The following DCUN1D3 variants were observed in gnomAD, a reference collection of about 807,000 sequenced individuals.
DCUN1D3 encodes the protein DCN1-like protein 3.
A neutral mutation model predicts 24.8 loss-of-function variants in DCUN1D3; 6 were observed. That is an observed-to-expected ratio of 0.24 (90% CI 0.13 to 0.48). DCUN1D3 has a LOEUF of 0.48. Among genes scored for constraint, DCUN1D3 ranks in the 20% least tolerant of loss-of-function variants. The pLI, the probability that DCUN1D3 is intolerant of heterozygous loss-of-function variation, is 0.99. For missense variants in DCUN1D3, 258 were observed against 379.4 expected (o/e 0.68, Z 2.66); for synonymous variants, 120 against 144.9 (o/e 0.83, Z 1.24).
At chr16:20,894,429 T>A (rs879270634) in intron 1 of DCUN1D3, among the ~76,000 whole-genome samples, 2 of 152,166 alleles carry the variant, frequency 1.3e-5, no homozygotes, top group Non-Finnish European at 2.9e-5. Flanking sequence ...CTATCTGAGA[T>A]TCTTAGTCAG....
In DCUN1D3 at chr16:20,862,260, T is replaced by G. The variant is rs1379654649; in HGVS notation, c.279A>C (p.Glu93Asp). The G allele has an allele frequency of 6.2e-7, 1 of 1,614,118 alleles. No homozygotes were observed. Among genetic ancestry groups the G allele is most frequent in the African/African-American group, 1.3e-5 (1 of 74,940 alleles). ...AEESSLQRLE[E>D]LFRRYKDERE... The stretch of plus-strand genomic sequence containing the variant: ...GCTCATCCTTGTAGCGCCTGAACAG[T>G]TCTTCCAATCTTTGCAAGGAAGACT... Residue 93 changes from glutamate (E) to aspartate (D), a missense_variant, in exon 2 of 3, where the codon GAA becomes GAC. Glu to Asp is a conservative substitution (Grantham distance 45). Coordinates refer to ENST00000324344, the MANE Select transcript of DCUN1D3 (RefSeq NM_173475.4).
intron 1 of DCUN1D3, among the ~76,000 whole-genome samples, chr16:20,875,929 T>A (rs1567425892): frequency 6.6e-6 from 1 of 152,154 alleles, no homozygotes; most frequent in Non-Finnish European, 1.5e-5. Context: ...AACAACTTAA[T>A]AGCAAAATAA....
Position 20,875,100 on chromosome 16 carries a change from A to G in DCUN1D3, c.-105-12457T>C, listed in dbSNP as rs537143071. Among the ~76,000 whole-genome samples the G allele has an allele frequency of 8.5e-5, 13 of 152,244 alleles. No individual in the cohort carries two copies. The South Asian group carries it at 2.5e-3, about 29-fold the overall frequency. On this transcript the variant is annotated intron_variant, in intron 1 of 2. Transcript: ENST00000324344. ...CAGCTATGCCCTATTTTAAGAAACA[A>G]CATAAAAAATTTATAAAATAAAGCA...
intron 1 of DCUN1D3, among the ~76,000 whole-genome samples, chr16:20,892,175 T>C (rs1596641068): frequency 6.6e-6 from 1 of 152,330 alleles, no homozygotes; most frequent in African/African-American, 2.4e-5. Flanking sequence ...ACCAACTGTT[T>C]TGAGTAAATG....
intron 1 of DCUN1D3, among the ~76,000 whole-genome samples, chr16:20,865,061 A>G (rs1225792294): frequency 6.6e-6 from 1 of 152,116 alleles, no homozygotes; most frequent in Non-Finnish European, 1.5e-5. Flanking sequence ...CACCTGGGTG[A>G]TGAAATAATA....
intron 1 of DCUN1D3, among the ~76,000 whole-genome samples, chr16:20,897,939 T>C (rs1012797703): frequency 1.3e-5 from 2 of 152,184 alleles, no homozygotes; most frequent in Non-Finnish European, 2.9e-5. Context: ...AGCAGCATCA[T>C]TTTCTACTTC....
intron 1 of DCUN1D3, among the ~76,000 whole-genome samples, chr16:20,886,644 C>A (rs1474728553): frequency 6.6e-6 from 1 of 152,204 alleles, no homozygotes; most frequent in Non-Finnish European, 1.5e-5. Flanking sequence ...AAACCTTACA[C>A]ACAAACACAC....
intron 1 of DCUN1D3, among the ~76,000 whole-genome samples, chr16:20,867,381 G>A (rs1253199203): frequency 1.3e-5 from 2 of 152,114 alleles, no homozygotes; most frequent in East Asian, 1.9e-4. Flanking sequence ...TCTCCTACTC[G>A]CTGCCATGAT....
At chr16:20,888,549 T>A (rs1014519078) in intron 1 of DCUN1D3, among the ~76,000 whole-genome samples, 1 of 152,168 alleles carries the variant, frequency 6.6e-6, no homozygotes, top group Admixed American at 6.5e-5. Context: ...GCCTCAACTT[T>A]CCGGGCTAGG....
chr16:20,882,832 T>G (rs917121409), intron 1 of DCUN1D3, among the ~76,000 whole-genome samples: 8 of 152,222 alleles, frequency 5.3e-5, no homozygotes, highest in Non-Finnish European at 1.0e-4. Flanking sequence ...AGGCCAACAT[T>G]TTTTAGCTTA....
chr16:20,863,654 G>A (rs2081744966), intron 1 of DCUN1D3, among the ~76,000 whole-genome samples: 1 of 152,160 alleles, frequency 6.6e-6, no homozygotes, highest in Non-Finnish European at 1.5e-5. Flanking sequence ...GCTCAGGTGG[G>A]AGGATCAACT....
At chr16:20,881,839 G>C (rs1231000243) in intron 1 of DCUN1D3, among the ~76,000 whole-genome samples, 1 of 152,130 alleles carries the variant, frequency 6.6e-6, no homozygotes, top group East Asian at 1.9e-4. Flanking sequence ...ATCTCACTCT[G>C]TCACGCGTGC....
intron 1 of DCUN1D3, among the ~76,000 whole-genome samples, chr16:20,882,767 A>G (rs2081850802): frequency 6.6e-6 from 1 of 152,234 alleles, no homozygotes; most frequent in Admixed American, 6.5e-5. Context: ...TTTCAGAAAA[A>G]TTCAGAATAC....
intron 1 of DCUN1D3, among the ~76,000 whole-genome samples, chr16:20,891,611 G>C (rs952823590): frequency 4.6e-5 from 7 of 152,220 alleles, no homozygotes; most frequent in African/African-American, 1.7e-4. Flanking sequence ...CTTCGAGGGG[G>C]CACAGTGGTG....
chr16:20,870,730 G>A (rs996744655), intron 1 of DCUN1D3, among the ~76,000 whole-genome samples: 2 of 152,206 alleles, frequency 1.3e-5, no homozygotes, highest in Non-Finnish European at 2.9e-5. Flanking sequence ...ACTGCCAGAT[G>A]CTGGTGCTCC....
intron 1 of DCUN1D3, among the ~76,000 whole-genome samples, chr16:20,872,134 A>G (rs2081791449): frequency 1.3e-5 from 2 of 152,208 alleles, no homozygotes; most frequent in South Asian, 4.1e-4. Context: ...ACCTGATTGT[A>G]GCTGATTAGT....
intron 1 of DCUN1D3, among the ~76,000 whole-genome samples, chr16:20,884,394 C>A (rs1281639739): frequency 6.6e-6 from 1 of 152,164 alleles, no homozygotes; most frequent in African/African-American, 2.4e-5. Context: ...GGGTGAATGT[C>A]ACAACTCGGC....
At chr16:20,871,024 G>A (rs2081785935) in intron 1 of DCUN1D3, among the ~76,000 whole-genome samples, 2 of 152,146 alleles carry the variant, frequency 1.3e-5, no homozygotes, top group South Asian at 4.1e-4. Context: ...GAATATGGCT[G>A]GTGTCCATTT....
At chr16:20,886,152 A>G (rs1355040256) in intron 1 of DCUN1D3, among the ~76,000 whole-genome samples, 1 of 151,298 alleles carries the variant, frequency 6.6e-6, no homozygotes, top group African/African-American at 2.4e-5. Context: ...TCACAAATGC[A>G]AAAAAAGAAA....
Sources: allele counts gnomAD v4.1 joint callset (sites outside exome capture counted in the v4.1 genomes callset), GRCh38; gene constraint gnomAD v4.1.1; transcripts MANE v1.5; gene names NCBI Gene and HGNC (gene_info 2026-07-23, HGNC 2026-07-21).